CNOT11: variants seen among roughly 807,000 people sequenced by gnomAD.
CNOT11 encodes the protein UPF0760 protein C2orf29.
In CNOT11, 18 loss-of-function variants were observed where a neutral mutation model predicts 44.6. The ratio of observed to expected loss-of-function variants is 0.40; its 90% CI spans 0.28 to 0.60. The LOEUF is 0.60. CNOT11 is among the 20% of genes least tolerant of loss of function. The pLI, the probability that CNOT11 is intolerant of heterozygous loss-of-function variation, is 0.38. For missense variants in CNOT11, 513 were observed against 677.0 expected (o/e 0.76, Z 2.69); for synonymous variants, 291 against 270.9 (o/e 1.07, Z -0.73).
chr2:101,256,966 G>A (rs1278894514), intron 1 of CNOT11, among the ~76,000 whole-genome samples: 6 of 151,380 alleles, frequency 4.0e-5, no homozygotes, highest in Admixed American at 2.6e-4. Context: ...GGAGAATGGC[G>A]TGAACCCAGG....
chr2:101,255,494 C>CA lies in CNOT11; in HGVS notation c.514+2029dup, dbSNP rs200722137. On this transcript the variant is annotated intron_variant, in intron 1 of 6. Coordinates refer to ENST00000289382, the MANE Select transcript of CNOT11 (RefSeq NM_017546.5). ...TGGGCTAAAGAGCGGGACTCCGTCT[C>CA]AAAAAAAAAAAAAGTACCTGTGAGT... Among the ~76,000 whole-genome samples the CA allele has an allele frequency of 5.9e-3, 781 of 132,152 alleles. 15 individuals carry two copies. In the East Asian group the frequency reaches 0.082, roughly 14 times the overall value. 86.7% of individuals were successfully genotyped at this position (132,152 alleles called of 152,430 possible). A position where few individuals can be genotyped will look rare whatever the true frequency, so the allele number is the denominator to read the frequency against.
intron 2 of CNOT11, among the ~76,000 whole-genome samples, chr2:101,258,914 G>A (rs1354461558): frequency 6.6e-6 from 1 of 152,044 alleles, no homozygotes; most frequent in Non-Finnish European, 1.5e-5. Context: ...TGGGAGGATC[G>A]TTTGAGGGCA....
chr2:101,253,993 G>C lies in CNOT11; in HGVS notation c.514+515G>C, dbSNP rs528621685. 6.6e-6 allele frequency among the ~76,000 whole-genome samples: 1 copy of C among 152,296 alleles called. No individual in the cohort carries two copies. The highest frequency in any genetic ancestry group is 1.9e-4 in the East Asian group (1 of 5,182). Reference sequence around the variant, plus strand: ...AGAGGATAGAAAGTCTCAAATTGATGATCTCGCGTTTGGAAACACATGACT... The same window carrying C: ...AGAGGATAGAAAGTCTCAAATTGATCATCTCGCGTTTGGAAACACATGACT... On this transcript the variant is annotated intron_variant, in intron 1 of 6. Coordinates refer to ENST00000289382, the MANE Select transcript of CNOT11 (RefSeq NM_017546.5). The surrounding 1 kb of genome is among the most constrained non-coding windows in gnomAD (Gnocchi z 4.3).
intron 1 of CNOT11, among the ~76,000 whole-genome samples, chr2:101,254,806 G>A (rs1329412023): frequency 6.6e-6 from 1 of 152,136 alleles, no homozygotes; most frequent in African/African-American, 2.4e-5. Flanking sequence ...TTTGAGGCAG[G>A]AGGATCACTT....
intron 1 of CNOT11, among the ~76,000 whole-genome samples, chr2:101,254,488 G>T (rs1681695726): frequency 6.6e-6 from 1 of 152,154 alleles, no homozygotes; most frequent in African/African-American, 2.4e-5. Flanking sequence ...GCAACCCTTT[G>T]TATTGGCCTG....
intron 4 of CNOT11, 40 bp from the exon 5 acceptor site, chr2:101,266,637 T>C: frequency 6.7e-7 from 1 of 1,498,226 alleles, no homozygotes; most frequent in Non-Finnish European, 9.3e-7. Flanking sequence ...ACACCCTTTC[T>C]CTCTCCCTCT....
Position 101,262,616 on chromosome 2 carries a change from A to C in CNOT11, c.757A>C (p.Asn253His), listed in dbSNP as rs1162207376. 6.2e-7 allele frequency: 1 copy of C among 1,614,164 alleles called. No homozygotes were observed. The highest frequency in any genetic ancestry group is 2.2e-5 in the East Asian group (1 of 44,880). The stretch of plus-strand genomic sequence containing the variant: ...CAGTGACCCAGACCCGGATTCTTCT[A>C]ATTCTGGATTTGACAGCTCAGTTGC... ...ILSDPDPDSS[N>H]SGFDSSVASQ... The change falls in exon 3 of 7, where the codon AAT becomes CAT. Residue 253 changes from asparagine (N) to histidine (H), a missense_variant. By Grantham distance (68) the Asn-to-His change is moderately conservative. Around this residue, in one of 4 missense-constraint regions of CNOT11, gnomAD observed 140 missense variants for 169.8 expected, o/e 0.82. Transcript: ENST00000289382.
rs1008645880 is a variant in CNOT11, at chr2:101,252,926, G to C, written c.-39G>C. ...GGGGACGGAGCGAGCCGGCGCCAGG[G>C]CCCCTCGGGCCGGGAAGAGGGGAAG... is the stretch of plus-strand genomic sequence containing the variant. On this transcript the variant is annotated 5_prime_UTR_variant, in exon 1 of 7. Coordinates refer to ENST00000289382, the MANE Select transcript of CNOT11 (RefSeq NM_017546.5). The C allele has an allele frequency of 1.3e-5, 18 of 1,398,352 alleles. No homozygotes were observed. The African/African-American group carries it at 2.7e-4, about 21-fold the overall frequency. The allele number at this position is 1,398,352 out of a possible 1,614,324, so 86.6% of individuals were successfully genotyped here. A position where few individuals can be genotyped will look rare whatever the true frequency, so the allele number is the denominator to read the frequency against.
At position 101,253,244 on chromosome 2, in the gene CNOT11, CACT is replaced by C; in HGVS notation, c.284_286del (p.Tyr95del). The C allele has an allele frequency of 6.2e-7, 1 of 1,611,886 alleles. No individual in the cohort carries two copies. Among genetic ancestry groups the C allele is most frequent in the Non-Finnish European group, 8.5e-7 (1 of 1,179,548 alleles). ...CGAGGGCCTGTCCACCGCCTTCCAC[CACT>C]ACTTCAGCAAGGCCGACCACTTCCG... is the stretch of plus-strand genomic sequence containing the variant. On this transcript the variant is annotated inframe_deletion, in exon 1 of 7. Transcript: ENST00000289382. The surrounding 1 kb of genome is among the most constrained non-coding windows in gnomAD (Gnocchi z 4.3).
intron 1 of CNOT11, among the ~76,000 whole-genome samples, chr2:101,255,744 T>C (rs562336696): frequency 6.6e-6 from 1 of 152,278 alleles, no homozygotes; most frequent in East Asian, 1.9e-4. Context: ...AACGACCACC[T>C]GTGGAGCTGG....
chr2:101,259,141 G>C (rs1681796884), intron 2 of CNOT11, among the ~76,000 whole-genome samples: 1 of 152,180 alleles, frequency 6.6e-6, no homozygotes, highest in Non-Finnish European at 1.5e-5. Context: ...TCGGGATGCT[G>C]AATAGCCAAA....
chr2:101,253,625 C>T lies in CNOT11; in HGVS notation c.514+147C>T. ...TTCCGCCTCTCTCTGCGTTCCCACG[C>T]CCCTCACTCCTCCCCGCCTTAACTC... On this transcript the variant is annotated intron_variant, in intron 1 of 6. Transcript: ENST00000289382. This position sits in a 1 kb window ranked among gnomAD's most constrained non-coding sequence, Gnocchi z 4.3. 1.3e-6 allele frequency: 1 copy of T among 787,392 alleles called. No individual in the cohort carries two copies. Among genetic ancestry groups the T allele is most frequent in the Non-Finnish European group, 1.9e-6 (1 of 526,666 alleles). 48.8% of individuals were successfully genotyped at this position (787,392 alleles called of 1,614,324 possible).
At chr2:101,262,277 T>A (rs552286478) in intron 2 of CNOT11, among the ~76,000 whole-genome samples, 1 of 152,256 alleles carries the variant, frequency 6.6e-6, no homozygotes, top group Admixed American at 6.5e-5. Context: ...TGAATAACAC[T>A]GTTTCATCAA....
intron 2 of CNOT11, among the ~76,000 whole-genome samples, chr2:101,260,467 G>C (rs1003094876): frequency 5.9e-5 from 9 of 152,110 alleles, no homozygotes; most frequent in Non-Finnish European, 1.3e-4. Flanking sequence ...GGCTAAGCTT[G>C]CTGCCTGCCG....
chr2:101,261,127 A>G (rs1019584885), intron 2 of CNOT11, among the ~76,000 whole-genome samples: 2 of 152,228 alleles, frequency 1.3e-5, no homozygotes, highest in African/African-American at 4.8e-5. Context: ...ATTATAATTA[A>G]GTGAACCAGG....
intron 5 of CNOT11, among the ~76,000 whole-genome samples, chr2:101,268,145 G>A (rs1202023932): frequency 6.6e-6 from 1 of 152,204 alleles, no homozygotes; most frequent in Non-Finnish European, 1.5e-5. Flanking sequence ...AACTTTAACC[G>A]TGGTCACTGG....
chr2:101,253,470 C>A lies in CNOT11; in HGVS notation c.506C>A (p.Pro169Gln). 6.7e-7 allele frequency: 1 copy of A among 1,483,764 alleles called. No individual in the cohort carries two copies. The highest frequency in any genetic ancestry group is 2.5e-5 in the East Asian group (1 of 39,760). 91.9% of individuals were successfully genotyped at this position (1,483,764 alleles called of 1,614,324 possible). The change falls in exon 1 of 7, where the codon CCG becomes CAG. Residue 169 changes from proline to glutamine, a missense_variant. Around this residue, in one of 4 missense-constraint regions of CNOT11, gnomAD observed 259 missense variants for 265.7 expected, o/e 0.97. Transcript: ENST00000289382. The surrounding 1 kb of genome is among the most constrained non-coding windows in gnomAD (Gnocchi z 4.3). Reference protein sequence around the residue: ...ARGGQEPDRPPLSGFLPPITP... With the variant: ...ARGGQEPDRPQLSGFLPPITP... ...GGCGGCCAGGAACCCGACCGCCCTC[C>A]GCTCTCAGGTACCTCCTGAAGCCAG...
At position 101,253,620 on chromosome 2, in the gene CNOT11, C is replaced by T; in HGVS notation, c.514+142C>T. ...TCTTTTTCCGCCTCTCTCTGCGTTCCCACGCCCCTCACTCCTCCCCGCCTT... is the reference window on the plus strand; with the variant it reads ...TCTTTTTCCGCCTCTCTCTGCGTTCTCACGCCCCTCACTCCTCCCCGCCTT... On this transcript the variant is annotated intron_variant, in intron 1 of 6. Coordinates refer to ENST00000289382, the MANE Select transcript of CNOT11 (RefSeq NM_017546.5). The surrounding 1 kb of genome is among the most constrained non-coding windows in gnomAD (Gnocchi z 4.3). The T allele has an allele frequency of 1.2e-6, 1 of 836,108 alleles. No individual in the cohort carries two copies. The highest frequency in any genetic ancestry group is 1.8e-6 in the Non-Finnish European group (1 of 571,170). The allele number at this position is 836,108 out of a possible 1,614,324, so 51.8% of individuals were successfully genotyped here.
At position 101,253,091 on chromosome 2, in the gene CNOT11, G is replaced by C. The variant is rs766436258; in HGVS notation, c.127G>C (p.Gly43Arg). The C allele has an allele frequency of 6.6e-7, 1 of 1,512,930 alleles. No homozygotes were observed. 93.7% of individuals were successfully genotyped at this position (1,512,930 alleles called of 1,614,324 possible). ...GFGGSGGGRG[G>R]ASGPGSGSGG... Reference sequence around the variant, plus strand: ...CGGGGGCTCCGGCGGCGGCAGAGGCGGAGCAAGCGGCCCCGGGTCCGGGAG... The same window carrying C: ...CGGGGGCTCCGGCGGCGGCAGAGGCCGAGCAAGCGGCCCCGGGTCCGGGAG... Residue 43 changes from glycine (G) to arginine (R), a missense_variant, in exon 1 of 7, where the codon GGA becomes CGA. By Grantham distance (125) the Gly-to-Arg change is moderately radical (BLOSUM62 -2). Transcript: ENST00000289382. This position sits in a 1 kb window ranked among gnomAD's most constrained non-coding sequence, Gnocchi z 4.3.
Sources: allele counts gnomAD v4.1 joint callset (sites outside exome capture counted in the v4.1 genomes callset), GRCh38; gene constraint gnomAD v4.1.1; regional missense constraint gnomAD v4.1.1; non-coding constraint Gnocchi (gnomAD v3.1); transcripts MANE v1.5; gene names NCBI Gene and HGNC (gene_info 2026-07-23, HGNC 2026-07-21).